PRDM11: variants seen among roughly 807,000 people sequenced by gnomAD.
PRDM11 encodes the protein PR/SET domain 11.
In PRDM11, 20 loss-of-function variants were observed where a neutral mutation model predicts 97.8. The observed-to-expected ratio is 0.20, with a 90% CI of 0.14 to 0.30. The LOEUF (loss-of-function observed/expected upper bound fraction) is 0.30, where lower values mean the gene tolerates loss of function less well. Among genes scored for constraint, PRDM11 ranks in the 10% least tolerant of loss-of-function variants. The pLI is 1.00. For missense variants in PRDM11, 1,139 were observed against 1,555.2 expected (o/e 0.73, Z 4.50); for synonymous variants, 599 against 637.7 (o/e 0.94, Z 0.91).
chr11:45,101,567 A>AAGAAGAAGAAGAAGAAGAAGAAG (rs1554963215), intron 1 of PRDM11, among the ~76,000 whole-genome samples: 17 of 96,834 alleles, frequency 1.8e-4, no homozygotes, highest in African/African-American at 5.9e-4. Flanking sequence ...AAAAAAAAAA[A>AAGAAGAAGAAGAAGAAGAAGAAG]AAGAAGAAGA....
chr11:45,120,613 G>A (rs1017739599), intron 1 of PRDM11, among the ~76,000 whole-genome samples: 3 of 151,546 alleles, frequency 2.0e-5, no homozygotes, highest in African/African-American at 4.9e-5. Context: ...AATTAAAGGT[G>A]AAATATATTT....
At chr11:45,193,813 G>GTTGGCTGCAGT (rs1332939771) in intron 4 of PRDM11, among the ~76,000 whole-genome samples, 1 of 152,124 alleles carries the variant, frequency 6.6e-6, no homozygotes, top group Non-Finnish European at 1.5e-5. Flanking sequence ...GTATCTGCTG[G>GTTGGCTGCAGT]TTGGCTGCAG....
At chr11:45,128,759 C>G (rs905474981) in intron 1 of PRDM11, among the ~76,000 whole-genome samples, 1 of 152,036 alleles carries the variant, frequency 6.6e-6, no homozygotes, top group African/African-American at 2.4e-5. Flanking sequence ...CTTATTTAAA[C>G]TATTTCAGAA....
At chr11:45,118,519 C>T (rs185223199) in intron 1 of PRDM11, among the ~76,000 whole-genome samples, 34 of 152,238 alleles carry the variant, frequency 2.2e-4, no homozygotes, top group African/African-American at 7.7e-4. Context: ...AGTTTCCTCC[C>T]GGGAATGCAA....
chr11:45,211,654 C>A (rs1030778075), intron 5 of PRDM11, among the ~76,000 whole-genome samples: 4 of 152,218 alleles, frequency 2.6e-5, no homozygotes, highest in African/African-American at 9.6e-5. Flanking sequence ...TTCAGCCTGT[C>A]AGCATGTGCT....
rs748356282 is a variant in PRDM11 at position 45,219,728 on chromosome 11, A to T, written c.713A>T (p.Gln238Leu). ...DYMKRLHSMS[Q>L]ETIHRNLARG... is the part of the protein sequence containing the mutation. ...ATGAAGCGCCTGCACAGCATGTCCC[A>T]GGAAACCATTCACCGCAACCTGGCC... is the stretch of plus-strand genomic sequence containing the variant. The change falls in exon 6 of 8, where the codon CAG (glutamine) becomes CTG (leucine). Residue 238 changes from glutamine to leucine, a missense_variant. This residue lies in a region of PRDM11 where 429 missense variants were observed against 510.3 expected (regional missense o/e 0.84). Transcript: ENST00000683152. The surrounding 1 kb of genome is among the most constrained non-coding windows in gnomAD (Gnocchi z 4.2). 1 of 1,613,962 alleles carries T rather than the reference A, an allele frequency of 6.2e-7. No homozygotes were observed. Among genetic ancestry groups the T allele is most frequent in the Non-Finnish European group, 8.5e-7 (1 of 1,179,994 alleles).
At chr11:45,136,539 A>G (rs988788307) in intron 1 of PRDM11, among the ~76,000 whole-genome samples, 7 of 152,214 alleles carry the variant, frequency 4.6e-5, no homozygotes, top group African/African-American at 1.7e-4. Context: ...AAATCTGAGT[A>G]CCCAATGCGG....
chr11:45,209,218 C>T (rs893658849), intron 5 of PRDM11: 11 of 428,718 alleles, frequency 2.6e-5, no homozygotes, highest in Middle Eastern at 3.4e-4. Context: ...GCCATCAAGT[C>T]GGCGCTGCTC....
intron 1 of PRDM11, among the ~76,000 whole-genome samples, chr11:45,136,998 A>G (rs996707794): frequency 3.3e-5 from 5 of 150,772 alleles, no homozygotes; most frequent in Non-Finnish European, 5.9e-5. Flanking sequence ...ACAAAAAAAA[A>G]AAAAAAGAAA....
chr11:45,178,172 A>C (rs1590408405), intron 1 of PRDM11, among the ~76,000 whole-genome samples: 1 of 149,834 alleles, frequency 6.7e-6, no homozygotes, highest in South Asian at 2.1e-4. Context: ...TCCCTGTCTT[A>C]CCCTCCGTCC....
upstream of PRDM11, among the ~76,000 whole-genome samples, chr11:45,144,838 G>C (rs1364708465): frequency 6.6e-6 from 1 of 152,118 alleles, no homozygotes; most frequent in Non-Finnish European, 1.5e-5. Context: ...TTTCTCGGCC[G>C]GGCACTTGGC....
At position 45,213,900 on chromosome 11, in the gene PRDM11, C is replaced by G. The variant is rs372346735; in HGVS notation, c.555-5670C>G. The G allele has an allele frequency of 5.5e-5, 20 of 365,728 alleles. 1 individual carries two copies. The highest frequency in any genetic ancestry group is 4.0e-4 in the African/African-American group (19 of 47,098). The allele number at this position is 365,728 out of a possible 1,614,324, so 22.7% of individuals were successfully genotyped here. On this transcript the variant is annotated intron_variant, in intron 5 of 7. Transcript: ENST00000683152. ...AAGAGGAGGCAGGGGGCAGGTCTTG[C>G]CCCTTGCCAGGCCTCTGCCCCTTGC...
In PRDM11 at chr11:45,181,793, G is replaced by A. The variant is rs767148752; in HGVS notation, c.27G>A (p.Leu9=). The A allele has an allele frequency of 6.2e-7, 1 of 1,613,532 alleles. No individual in the cohort carries two copies. The highest frequency in any genetic ancestry group is 1.7e-5 in the Admixed American group (1 of 60,006). ...TGACCGAGAACATGAAGGAGTGCTT[G>A]GCCCAGACCAATGCAGCCGTGGGGG... MTENMKEC[L]AQTNAAVGDM... is the part of the protein sequence containing the mutation. Residue 9 remains leucine, a synonymous_variant, in exon 2 of 8, where the codon TTG becomes TTA. Transcript: ENST00000683152.
upstream of PRDM11, among the ~76,000 whole-genome samples, chr11:45,146,228 C>T (rs1487835835): frequency 6.6e-6 from 1 of 152,112 alleles, no homozygotes; most frequent in Non-Finnish European, 1.5e-5. Context: ...AGCCGCGGAG[C>T]CCTGAAAGGG....
At chr11:45,148,860 C>G (rs1851591485) in intron 1 of PRDM11, among the ~76,000 whole-genome samples, 1 of 152,152 alleles carries the variant, frequency 6.6e-6, no homozygotes, top group Non-Finnish European at 1.5e-5. Flanking sequence ...ATTCAGCTGC[C>G]TTCTTGGCCT....
intron 5 of PRDM11, chr11:45,209,411 A>T: frequency 3.7e-6 from 1 of 268,556 alleles, no homozygotes; most frequent in Non-Finnish European, 7.3e-6. Context: ...TGTCCAGCCC[A>T]CTCTTTCCAT....
chr11:45,151,067 G>A (rs930288128), intron 1 of PRDM11, among the ~76,000 whole-genome samples: 2 of 152,228 alleles, frequency 1.3e-5, no homozygotes, highest in South Asian at 2.1e-4. Context: ...GAAGCATCAT[G>A]TGGTGTTATA....
intron 1 of PRDM11, among the ~76,000 whole-genome samples, chr11:45,108,147 G>A (rs184261070): frequency 2.0e-4 from 30 of 152,194 alleles, no homozygotes; most frequent in African/African-American, 5.5e-4. Context: ...TCTTAATCTC[G>A]CTTGATCAGA....
At chr11:45,141,827 G>T (rs185359721), upstream of PRDM11, among the ~76,000 whole-genome samples, 3 of 152,304 alleles carry the variant, frequency 2.0e-5, no homozygotes, top group East Asian at 5.8e-4. Flanking sequence ...TCAGGAAGAT[G>T]CATCTGATTG....
Sources: allele counts gnomAD v4.1 joint callset (sites outside exome capture counted in the v4.1 genomes callset), GRCh38; gene constraint gnomAD v4.1.1; regional missense constraint gnomAD v4.1.1; non-coding constraint Gnocchi (gnomAD v3.1); transcripts MANE v1.5; gene names NCBI Gene and HGNC (gene_info 2026-07-23, HGNC 2026-07-21).